ANKRD11: variants seen among roughly 807,000 people sequenced by gnomAD.
The protein encoded by ANKRD11 is ankyrin repeat domain-containing protein 11.
A neutral mutation model predicts 195.7 loss-of-function variants in ANKRD11; 17 were observed. That is an observed-to-expected ratio of 0.09 (90% CI 0.06 to 0.13). The LOEUF is 0.13. ANKRD11 is among the 10% of genes least tolerant of loss of function. The pLI is 1.00. For synonymous variants in ANKRD11, 1,953 were observed against 1,528.1 expected, an observed-to-expected ratio of 1.28 and a Z score of -6.49; for missense variants, 3,735 against 3,566.1, an observed-to-expected ratio of 1.05 and a Z score of -1.21.
intron 7 of ANKRD11, chr16:89,288,286 C>T (rs941947582): frequency 1.5e-5 from 10 of 670,002 alleles, no homozygotes; most frequent in Middle Eastern, 3.9e-4. Context: ...ACACGGCTAG[C>T]GGATACGAGC....
chr16:89,271,505 C>G (rs973358167), intron 11 of ANKRD11: 1 of 162,950 alleles, frequency 6.1e-6, no homozygotes, highest in Non-Finnish European at 1.4e-5. Context: ...TGTCCAGGCT[C>G]CTCCCCTTTT....
intron 3 of ANKRD11, among the ~76,000 whole-genome samples, chr16:89,310,626 A>C (rs1043550168): frequency 6.6e-6 from 1 of 152,188 alleles, no homozygotes; most frequent in South Asian, 2.1e-4. Context: ...TCTCAGGAAT[A>C]TTTTGCAGCT....
Position 89,282,298 on chromosome 16 carries a change from T to G in ANKRD11, c.4244A>C (p.Glu1415Ala), listed in dbSNP as rs756014125. The change falls in exon 9 of 13, where the codon GAG becomes GCG. Residue 1415 changes from glutamate (E) to alanine (A), a missense_variant. By Grantham distance (107) the Glu-to-Ala change is moderately radical (BLOSUM62 -1). Transcript: ENST00000301030. ...AAACAATTCAATGGTTTTATCTAGC[T>G]CATCTTCTATGTCAGCTTTCATGTT... Reference protein sequence around the residue: ...SYNMKADIEDELDKTIELFST... With the variant: ...SYNMKADIEDALDKTIELFST... 2 of 1,614,116 alleles carry G rather than the reference T, an allele frequency of 1.2e-6. No homozygotes were observed. Among genetic ancestry groups the G allele is most frequent in the South Asian group, 2.2e-5 (2 of 91,082 alleles).
Position 89,278,991 on chromosome 16 carries a change from G to A in ANKRD11, c.7470+81C>T, listed in dbSNP as rs769111381. ...TCAAGGGCCATGAGTGGGACAAGAC[G>A]GGCTGGAGGAAGCCGTGACTAGGGG... On this transcript the variant is annotated intron_variant, in intron 9 of 12. Transcript: ENST00000301030. 3.8e-6 allele frequency: 6 copies of A among 1,572,154 alleles called. No individual in the cohort carries two copies. In the Middle Eastern group the frequency reaches 5.0e-4, roughly 130 times the overall value.
intron 2 of ANKRD11, among the ~76,000 whole-genome samples, chr16:89,406,959 C>T (rs1303079307): frequency 1.3e-5 from 2 of 152,086 alleles, no homozygotes; most frequent in Non-Finnish European, 2.9e-5. Context: ...GAAGGGGGAG[C>T]AGATCACTTG....
chr16:89,304,462 AGGCACACATG>A (rs1414630053), intron 4 of ANKRD11, among the ~76,000 whole-genome samples: 2 of 151,578 alleles, frequency 1.3e-5, no homozygotes, highest in Non-Finnish European at 1.5e-5. Context: ...ACACATACTC[AGGCACACATG>A]GGCACACATA....
In ANKRD11 at chr16:89,356,779, T is replaced by A. The variant is rs1210405513; in HGVS notation, c.-59-39701A>T. On this transcript the variant is annotated intron_variant, in intron 2 of 12. Transcript: ENST00000301030. ...CTGGGCGACACAGCAAGACTCCGTC[T>A]CAAAAAAAAAAAAAAAGAAAAAAGA... Among the ~76,000 whole-genome samples the A allele has an allele frequency of 1.4e-4, 7 of 49,590 alleles. No homozygotes were observed. In the East Asian group the frequency reaches 2.1e-3, roughly 15 times the overall value. 32.5% of individuals were successfully genotyped at this position (49,590 alleles called of 152,430 possible).
rs866445925 is a variant in ANKRD11 at position 89,419,399 on chromosome 16, G to A, written c.-144-1031C>T. Among the ~76,000 whole-genome samples the A allele has an allele frequency of 1.1e-4, 16 of 151,504 alleles. No homozygotes were observed. In the South Asian group the frequency reaches 2.3e-3, roughly 22 times the overall value. Reference sequence around the variant, plus strand: ...ATCTGCGAGGCAAAGGTTGCAGTGAGCTGAGACTGCACCACTGCACTCCAG... The same window carrying A: ...ATCTGCGAGGCAAAGGTTGCAGTGAACTGAGACTGCACCACTGCACTCCAG... On this transcript the variant is annotated intron_variant, in intron 1 of 12. Coordinates refer to ENST00000301030, the MANE Select transcript of ANKRD11 (RefSeq NM_013275.6).
intron 2 of ANKRD11, among the ~76,000 whole-genome samples, chr16:89,394,010 C>T (rs774724257): frequency 6.6e-6 from 1 of 152,198 alleles, no homozygotes; most frequent in African/African-American, 2.4e-5. Context: ...GGTTCCCAGA[C>T]CCCAGTGTTT....
intron 1 of ANKRD11, among the ~76,000 whole-genome samples, chr16:89,472,948 G>GGGA (rs1425305517): frequency 1.3e-5 from 2 of 152,152 alleles, no homozygotes; most frequent in African/African-American, 4.8e-5. Context: ...CCAGCACTGT[G>GGGA]GGAGGCTGAG....
In ANKRD11 at chr16:89,313,693, C is replaced by G. The variant is rs150638762; in HGVS notation, c.87+3240G>C. 109 of 1,015,760 alleles carry G rather than the reference C, an allele frequency of 1.1e-4. No individual in the cohort carries two copies. In the African/African-American group the frequency reaches 1.2e-3, roughly 11 times the overall value. The allele number at this position is 1,015,760 out of a possible 1,614,324, so 62.9% of individuals were successfully genotyped here. A position where few individuals can be genotyped will look rare whatever the true frequency, so the allele number is the denominator to read the frequency against. ...CATTTCAGCCTGTACCAGGAGAAGGCAGGTCAGATGTGTGCACCTGAGTTC... is the reference window on the plus strand; with the variant it reads ...CATTTCAGCCTGTACCAGGAGAAGGGAGGTCAGATGTGTGCACCTGAGTTC... On this transcript the variant is annotated intron_variant, in intron 3 of 12. Coordinates refer to ENST00000301030, the MANE Select transcript of ANKRD11 (RefSeq NM_013275.6).
At chr16:89,435,834 A>ACACACG (rs386385381) in intron 1 of ANKRD11, among the ~76,000 whole-genome samples, 1 of 147,930 alleles carries the variant, frequency 6.8e-6, no homozygotes, top group Non-Finnish European at 1.5e-5. Context: ...ACACACACAC[A>ACACACG]CGCTTTCGGT....
chr16:89,314,293 T>A (rs573962294), intron 3 of ANKRD11, among the ~76,000 whole-genome samples: 1 of 150,836 alleles, frequency 6.6e-6, no homozygotes, highest in African/African-American at 2.4e-5. Context: ...AAACCACACA[T>A]ACAACTGAAC....
At chr16:89,339,394 G>C (rs1053020367) in intron 2 of ANKRD11, among the ~76,000 whole-genome samples, 1 of 152,170 alleles carries the variant, frequency 6.6e-6, no homozygotes, top group African/African-American at 2.4e-5. Context: ...GAGAAACCAA[G>C]AACTGGGAAA....
intron 2 of ANKRD11, among the ~76,000 whole-genome samples, chr16:89,410,309 G>A (rs565635138): frequency 1.3e-5 from 2 of 152,186 alleles, no homozygotes; most frequent in East Asian, 3.9e-4. Context: ...TAAGCCACCA[G>A]GATTTGATAT....
In ANKRD11 at chr16:89,279,905, G is replaced by C. The variant is rs754914414; in HGVS notation, c.6637C>G (p.Leu2213Val). Residue 2213 changes from leucine (L) to valine (V), a missense_variant, in exon 9 of 13, where the codon CTG (leucine) becomes GTG (valine). Leu to Val is a conservative substitution (Grantham distance 32, BLOSUM62 1). Coordinates refer to ENST00000301030, the MANE Select transcript of ANKRD11 (RefSeq NM_013275.6). The surrounding 1 kb of genome is among the most constrained non-coding windows in gnomAD (Gnocchi z 5.6). ...LEPEPSGEPK[L>V]DVALEAAVEA... ...ACCGCAGCTTCTAGAGCCACGTCCA[G>C]CTTTGGCTCCCCTGAGGGCTCAGGC... is the stretch of plus-strand genomic sequence containing the variant. 1.2e-6 allele frequency: 2 copies of C among 1,608,788 alleles called. No individual in the cohort carries two copies. The highest frequency in any genetic ancestry group is 2.2e-5 in the East Asian group (1 of 44,832).
chr16:89,461,868 A>G (rs1238100038), intron 1 of ANKRD11, among the ~76,000 whole-genome samples: 3 of 152,138 alleles, frequency 2.0e-5, no homozygotes, highest in Non-Finnish European at 4.4e-5. Flanking sequence ...AGCTCTCAGA[A>G]TGTTCAGAAG....
chr16:89,437,434 C>A (rs569829231), intron 1 of ANKRD11, among the ~76,000 whole-genome samples: 1 of 152,014 alleles, frequency 6.6e-6, no homozygotes, highest in Non-Finnish European at 1.5e-5. Context: ...CACACCCCTA[C>A]TTCCTCTCTC....
In ANKRD11 at chr16:89,283,668, G is replaced by A. The variant is rs533735296; in HGVS notation, c.2874C>T (p.Cys958=). 6.2e-7 allele frequency: 1 copy of A among 1,612,278 alleles called. No homozygotes were observed. The highest frequency in any genetic ancestry group is 1.3e-5 in the African/African-American group (1 of 75,048). The change falls in exon 9 of 13, where the codon TGC becomes TGT. Residue 958 remains cysteine, a synonymous_variant. Transcript: ENST00000301030. This position sits in a 1 kb window ranked among gnomAD's most constrained non-coding sequence, Gnocchi z 4.3. ...TGGCCCTGCCGTCCCTGCGCTCCTT[G>A]CAGCTCTCCAGGGCGTCCTTTCTGT... is the stretch of plus-strand genomic sequence containing the variant. The part of the protein sequence containing the change: ...GRDRKDALES[C]KERRDGRAKP...
Sources: allele counts gnomAD v4.1 joint callset (sites outside exome capture counted in the v4.1 genomes callset), GRCh38; gene constraint gnomAD v4.1.1; non-coding constraint Gnocchi (gnomAD v3.1); transcripts MANE v1.5; gene names NCBI Gene and HGNC (gene_info 2026-07-23, HGNC 2026-07-21).